ST18: variants seen among roughly 807,000 people sequenced by gnomAD.
The protein encoded by ST18 is suppression of tumorigenicity 18 protein.
In ST18, 50 loss-of-function variants were observed where a neutral mutation model predicts 110.0. The ratio of observed to expected loss-of-function variants is 0.45; its 90% CI spans 0.36 to 0.58. The LOEUF (loss-of-function observed/expected upper bound fraction) is 0.58. ST18 is among the 20% of genes least tolerant of loss of function. The probability of loss-of-function intolerance (pLI) is 0.00; values close to 1 mark genes in which losing one functional copy is unlikely to be tolerated. For synonymous variants in ST18, 461 were observed against 452.4 expected (o/e 1.02, Z -0.24); for missense variants, 1,306 against 1,280.1 (o/e 1.02, Z -0.31).
chr8:52,371,845 C>T (rs935518102), intron 2 of ST18, among the ~76,000 whole-genome samples: 3 of 152,204 alleles, frequency 2.0e-5, no homozygotes, highest in Non-Finnish European at 4.4e-5. Context: ...AGCAACCCTA[C>T]TGCACTGCCA....
At chr8:52,338,867 A>G (rs536162744) in intron 2 of ST18, among the ~76,000 whole-genome samples, 2 of 152,138 alleles carry the variant, frequency 1.3e-5, no homozygotes, top group African/African-American at 2.4e-5. Flanking sequence ...TCTCCTGAAT[A>G]GCTGAGACTA....
At chr8:52,302,543 T>C (rs1013889642) in intron 2 of ST18, among the ~76,000 whole-genome samples, 2 of 152,230 alleles carry the variant, frequency 1.3e-5, no homozygotes, top group African/African-American at 2.4e-5. Context: ...GGTTGCTAAG[T>C]ACTGTTCTCC....
intron 2 of ST18, among the ~76,000 whole-genome samples, chr8:52,385,383 T>C (rs1191441374): frequency 6.6e-6 from 1 of 152,114 alleles, no homozygotes; most frequent in African/African-American, 2.4e-5. Flanking sequence ...GCGGATCACC[T>C]GAGGTCAGAA....
intron 8 of ST18, among the ~76,000 whole-genome samples, chr8:52,192,842 C>T (rs2075004693): frequency 6.6e-6 from 1 of 152,178 alleles, no homozygotes; most frequent in South Asian, 2.1e-4. Flanking sequence ...TCCTATTCAA[C>T]TTTGAGCTCA....
intron 2 of ST18, among the ~76,000 whole-genome samples, chr8:52,363,307 T>A (rs1826510726): frequency 6.6e-6 from 1 of 152,246 alleles, no homozygotes; most frequent in Admixed American, 6.5e-5. Flanking sequence ...GGCTATAATA[T>A]TAAGTGGGTA....
intron 8 of ST18, among the ~76,000 whole-genome samples, chr8:52,190,650 G>A (rs947429334): frequency 1.3e-5 from 2 of 152,154 alleles, no homozygotes; most frequent in African/African-American, 2.4e-5. Flanking sequence ...CTAATGATGA[G>A]ATCATGCAGA....
chr8:52,243,616 G>C (rs1341808511), intron 2 of ST18, among the ~76,000 whole-genome samples: 2 of 152,118 alleles, frequency 1.3e-5, no homozygotes, highest in East Asian at 3.8e-4. Flanking sequence ...GTAAAAATAG[G>C]ATACAAATGG....
chr8:52,240,934 G>A (rs2093343407), intron 2 of ST18, among the ~76,000 whole-genome samples: 1 of 152,192 alleles, frequency 6.6e-6, no homozygotes, highest in South Asian at 2.1e-4. Flanking sequence ...CCACTGATCA[G>A]CTGTACACTC....
At chr8:52,217,116 G>T (rs1311710199) in intron 6 of ST18, among the ~76,000 whole-genome samples, 1 of 152,144 alleles carries the variant, frequency 6.6e-6, no homozygotes, top group East Asian at 1.9e-4. Flanking sequence ...TGATAAGCTT[G>T]CAATTATGTC....
chr8:52,170,447 A>AAAATAAATAAAT (rs369581987), intron 10 of ST18, among the ~76,000 whole-genome samples: 4 of 139,970 alleles, frequency 2.9e-5, no homozygotes, highest in Non-Finnish European at 4.7e-5. Context: ...GCAAAACTCA[A>AAAATAAATAAAT]AAATCAATAA....
intron 2 of ST18, among the ~76,000 whole-genome samples, chr8:52,267,598 C>T (rs1411425209): frequency 6.6e-6 from 1 of 151,782 alleles, no homozygotes; most frequent in Non-Finnish European, 1.5e-5. Flanking sequence ...AGAGCTTTAG[C>T]ATTGAATGGG....
intron 2 of ST18, among the ~76,000 whole-genome samples, chr8:52,311,233 G>C (rs1323386823): frequency 6.6e-6 from 1 of 152,210 alleles, no homozygotes; most frequent in Admixed American, 6.5e-5. Flanking sequence ...TCAGCAGTGA[G>C]GACCAGGCTG....
intron 2 of ST18, among the ~76,000 whole-genome samples, chr8:52,399,866 A>G (rs6415665): frequency 1 from 151,832 of 152,164 alleles, 75,754 homozygotes; most frequent in Non-Finnish European, 1. Flanking sequence ...GTGCACTAGA[A>G]AAGAATGTTT....
At chr8:52,222,273 T>C (rs1431991577) in intron 3 of ST18, among the ~76,000 whole-genome samples, 1 of 152,224 alleles carries the variant, frequency 6.6e-6, no homozygotes, top group Non-Finnish European at 1.5e-5. Context: ...GCACATCATC[T>C]GCACAATTGC....
intron 8 of ST18, among the ~76,000 whole-genome samples, chr8:52,181,594 C>T (rs993632483): frequency 2.0e-5 from 3 of 152,108 alleles, no homozygotes; most frequent in Non-Finnish European, 4.4e-5. Flanking sequence ...AGTGAAGTTT[C>T]TAAATCAAGC....
At chr8:52,175,803 C>A (rs2133972104) in intron 9 of ST18, among the ~76,000 whole-genome samples, 1 of 152,264 alleles carries the variant, frequency 6.6e-6, no homozygotes, top group South Asian at 2.1e-4. Flanking sequence ...GACTGAGACA[C>A]AGGACCAGGG....
At chr8:52,216,439 T>C (rs1407226200) in intron 6 of ST18, among the ~76,000 whole-genome samples, 1 of 152,180 alleles carries the variant, frequency 6.6e-6, no homozygotes, top group Non-Finnish European at 1.5e-5. Context: ...AACTCATTCA[T>C]AGAATTAAGT....
chr8:52,383,567 G>A (rs988879995), intron 2 of ST18, among the ~76,000 whole-genome samples: 1 of 151,614 alleles, frequency 6.6e-6, no homozygotes, highest in Non-Finnish European at 1.5e-5. Flanking sequence ...TCCTGCCTCA[G>A]CCTCCTGAGT....
intron 17 of ST18, among the ~76,000 whole-genome samples, chr8:52,140,593 A>G (rs2054625365): frequency 6.7e-6 from 1 of 150,182 alleles, no homozygotes; most frequent in Non-Finnish European, 1.5e-5. Flanking sequence ...AGATAGATAG[A>G]TAAAATGGAT....
Sources: allele counts gnomAD v4.1 joint callset (sites outside exome capture counted in the v4.1 genomes callset), GRCh38; gene constraint gnomAD v4.1.1; transcripts MANE v1.5; gene names NCBI Gene and HGNC (gene_info 2026-07-23, HGNC 2026-07-21).